SCHIP1: variants seen among roughly 807,000 people sequenced by gnomAD.
SCHIP1 encodes schwannomin interacting protein 1.
In SCHIP1, 8 loss-of-function variants were observed where a neutral mutation model predicts 29.7. The observed-to-expected ratio is 0.27, with a 90% CI of 0.16 to 0.49. SCHIP1 has a LOEUF of 0.49. Ranked by LOEUF, SCHIP1 falls within the 20% of genes least tolerant of loss-of-function variation. The pLI, the probability that SCHIP1 is intolerant of heterozygous loss-of-function variation, is 0.99. For synonymous variants in SCHIP1, 76 were observed against 94.9 expected (o/e 0.80, Z 1.16); for missense variants, 193 against 294.6 (o/e 0.66, Z 2.52).
chr3:159,552,920 G>A, the SCHIP1 span, among the ~76,000 whole-genome samples: 1 of 152,244 alleles, frequency 6.6e-6, no homozygotes, highest in East Asian at 1.9e-4. Flanking sequence ...TGTTGCTGAG[G>A]AGTAAAGTAT....
the SCHIP1 span, among the ~76,000 whole-genome samples, chr3:159,798,806 A>T: frequency 6.6e-6 from 1 of 152,308 alleles, no homozygotes; most frequent in East Asian, 1.9e-4. Context: ...AAAACAGCCA[A>T]ACAAGGCTTA....
At chr3:159,337,037 G>A in the SCHIP1 span, among the ~76,000 whole-genome samples, 1 of 152,058 alleles carries the variant, frequency 6.6e-6, no homozygotes, top group African/African-American at 2.4e-5. Context: ...TGCAAGGCTG[G>A]TTCAACATAC....
At chr3:159,746,892 C>G in the SCHIP1 span, among the ~76,000 whole-genome samples, 1 of 152,196 alleles carries the variant, frequency 6.6e-6, no homozygotes, top group African/African-American at 2.4e-5. Context: ...CCTCAAGACC[C>G]AATTCAAGTA....
chr3:159,359,540 G>A, the SCHIP1 span, among the ~76,000 whole-genome samples: 1 of 152,078 alleles, frequency 6.6e-6, no homozygotes, highest in African/African-American at 2.4e-5. Flanking sequence ...TAAATTATAA[G>A]ATACATGTTA....
chr3:159,417,162 G>T, the SCHIP1 span, among the ~76,000 whole-genome samples: 1 of 152,150 alleles, frequency 6.6e-6, no homozygotes, highest in Non-Finnish European at 1.5e-5. Flanking sequence ...ATTTGTTCAA[G>T]ACAAGTCTGG....
the SCHIP1 span, among the ~76,000 whole-genome samples, chr3:159,684,753 G>A: frequency 2.7e-5 from 4 of 148,632 alleles, no homozygotes; most frequent in Non-Finnish European, 3.0e-5. Flanking sequence ...GCAGTGAGCC[G>A]AGTTTATGCC....
chr3:159,397,811 A>G, the SCHIP1 span, among the ~76,000 whole-genome samples: 22 of 152,274 alleles, frequency 1.4e-4, no homozygotes, highest in East Asian at 1.7e-3. Flanking sequence ...TGAGCCTACA[A>G]AGGCAGGCAG....
At chr3:159,385,576 A>C in the SCHIP1 span, among the ~76,000 whole-genome samples, 1 of 8,582 alleles carries the variant, frequency 1.2e-4, no homozygotes, top group Non-Finnish European at 4.9e-4. Flanking sequence ...ACAAACAAAC[A>C]AAAAAAAAAA....
chr3:159,426,617 T>G, the SCHIP1 span, among the ~76,000 whole-genome samples: 28 of 152,322 alleles, frequency 1.8e-4, 1 homozygote, highest in Middle Eastern at 0.01. Context: ...AAGGAGGAAC[T>G]GGTACCATTC....
chr3:159,666,371 T>C, the SCHIP1 span, among the ~76,000 whole-genome samples: 5 of 152,224 alleles, frequency 3.3e-5, no homozygotes, highest in African/African-American at 7.2e-5. Flanking sequence ...TAGAAGACCC[T>C]GCTATACAAA....
At chr3:159,617,561 C>T in the SCHIP1 span, among the ~76,000 whole-genome samples, 1 of 152,150 alleles carries the variant, frequency 6.6e-6, no homozygotes, top group Admixed American at 6.5e-5. Context: ...TTCTGAGAGA[C>T]TACCTGGGAG....
intron 1 of SCHIP1, among the ~76,000 whole-genome samples, chr3:159,846,973 G>A (rs540324342): frequency 5.9e-5 from 9 of 152,058 alleles, no homozygotes; most frequent in African/African-American, 2.2e-4. Flanking sequence ...AAAAAAATTA[G>A]CAGGGCTTCA....
the SCHIP1 span, among the ~76,000 whole-genome samples, chr3:159,354,079 T>C: frequency 1.3e-5 from 2 of 152,228 alleles, no homozygotes; most frequent in African/African-American, 4.8e-5. Context: ...ATTTTTGTTT[T>C]CATTTCCCAT....
the SCHIP1 span, among the ~76,000 whole-genome samples, chr3:159,381,783 G>T: frequency 1.3e-5 from 2 of 152,030 alleles, no homozygotes; most frequent in Non-Finnish European, 2.9e-5. Context: ...TTTTAGTAGA[G>T]ACGGGTTTCA....
chr3:159,706,117 G>A, the SCHIP1 span, among the ~76,000 whole-genome samples: 1 of 152,146 alleles, frequency 6.6e-6, no homozygotes, highest in African/African-American at 2.4e-5. Flanking sequence ...CACATAGCAT[G>A]GGTGGAGGGG....
chr3:159,496,361 A>G, the SCHIP1 span, among the ~76,000 whole-genome samples: 1 of 152,244 alleles, frequency 6.6e-6, no homozygotes, highest in Non-Finnish European at 1.5e-5. Context: ...CTCATCTGAC[A>G]AAGGGCTAAC....
chr3:159,798,738 ACAGAGTGAGACTCTGTCT>A, the SCHIP1 span, among the ~76,000 whole-genome samples: 1 of 152,110 alleles, frequency 6.6e-6, no homozygotes, highest in Admixed American at 6.5e-5. Context: ...AGACTAGGCA[ACAGAGTGAGACTCTGTCT>A]CAAAAAACAA....
chr3:159,493,198 G>A, the SCHIP1 span, among the ~76,000 whole-genome samples: 1 of 152,104 alleles, frequency 6.6e-6, no homozygotes, highest in Non-Finnish European at 1.5e-5. Flanking sequence ...ATCAACTAAC[G>A]AGCAAAATAA....
chr3:159,275,604 T>A, the SCHIP1 span, among the ~76,000 whole-genome samples: 1 of 152,192 alleles, frequency 6.6e-6, no homozygotes, highest in African/African-American at 2.4e-5. Flanking sequence ...TTTCCAAACA[T>A]TTTAGTGATA....
Sources: allele counts gnomAD v4.1 joint callset (sites outside exome capture counted in the v4.1 genomes callset), GRCh38; gene constraint gnomAD v4.1.1; transcripts MANE v1.5; gene names NCBI Gene and HGNC (gene_info 2026-07-23, HGNC 2026-07-21).